The following TAFA2 variants were observed in gnomAD, a reference collection of about 807,000 sequenced individuals.
TAFA2 encodes chemokine-like protein TAFA-2.
Under a neutral mutation model 18.8 loss-of-function variants are expected in TAFA2, and 7 were observed. The ratio of observed to expected loss-of-function variants is 0.37; its 90% CI spans 0.21 to 0.70. TAFA2 has a LOEUF of 0.70. Among genes scored for constraint, TAFA2 ranks in the 30% least tolerant of loss-of-function variants. The pLI, the probability that TAFA2 is intolerant of heterozygous loss-of-function variation, is 0.53. For synonymous variants in TAFA2, 60 were observed against 54.2 expected, an observed-to-expected ratio of 1.11 and a Z score of -0.47; for missense variants, 122 against 158.1, an observed-to-expected ratio of 0.77 and a Z score of 1.23.
At chr12:61,727,393 G>A (rs1387332553) in intron 4 of TAFA2, among the ~76,000 whole-genome samples, 1 of 150,716 alleles carries the variant, frequency 6.6e-6, no homozygotes, top group African/African-American at 2.4e-5. Context: ...TTTCAAACTT[G>A]CTGCTTGTTA....
chr12:62,226,363 T>C (rs1257778415), intron 1 of TAFA2, among the ~76,000 whole-genome samples: 1 of 151,908 alleles, frequency 6.6e-6, no homozygotes, highest in Non-Finnish European at 1.5e-5. Context: ...CTGGCTAATT[T>C]TGTTTTTGTA....
At chr12:61,884,510 G>A (rs544091556) in intron 1 of TAFA2, among the ~76,000 whole-genome samples, 10 of 152,198 alleles carry the variant, frequency 6.6e-5, no homozygotes, top group African/African-American at 9.6e-5. Context: ...GTAGGACACC[G>A]GTGAATGCCT....
At chr12:61,889,154 A>T (rs1231839229) in intron 1 of TAFA2, among the ~76,000 whole-genome samples, 1 of 152,194 alleles carries the variant, frequency 6.6e-6, no homozygotes, top group South Asian at 2.1e-4. Flanking sequence ...GCTAACACAC[A>T]TGATGCACTT....
At chr12:61,836,008 C>A (rs746306096) in intron 2 of TAFA2, among the ~76,000 whole-genome samples, 1 of 151,806 alleles carries the variant, frequency 6.6e-6, no homozygotes, top group African/African-American at 2.4e-5. Context: ...AATCAACTTA[C>A]AATTATACAA....
At chr12:61,746,254 G>A (rs925405045) in intron 4 of TAFA2, among the ~76,000 whole-genome samples, 38 of 152,006 alleles carry the variant, frequency 2.5e-4, no homozygotes, top group African/African-American at 8.0e-4. Flanking sequence ...CCATCCTGCC[G>A]CCCTGTGAAG....
intron 1 of TAFA2, among the ~76,000 whole-genome samples, chr12:61,914,800 C>A (rs1325554672): frequency 6.6e-6 from 1 of 152,082 alleles, no homozygotes; most frequent in African/African-American, 2.4e-5. Flanking sequence ...CTCTAAATAG[C>A]TTCCTTTCTA....
intron 4 of TAFA2, among the ~76,000 whole-genome samples, chr12:61,753,320 A>G (rs571503061): frequency 6.6e-6 from 1 of 152,064 alleles, no homozygotes; most frequent in African/African-American, 2.4e-5. Context: ...ACCCTCCCAG[A>G]ATTTAACATG....
chr12:61,988,735 T>G (rs1163082818), intron 1 of TAFA2, among the ~76,000 whole-genome samples: 1 of 152,184 alleles, frequency 6.6e-6, no homozygotes, highest in Non-Finnish European at 1.5e-5. Flanking sequence ...CGGAGATGTG[T>G]CTCTTGTACT....
At chr12:62,099,366 G>C (rs1272532083) in intron 1 of TAFA2, among the ~76,000 whole-genome samples, 1 of 152,068 alleles carries the variant, frequency 6.6e-6, no homozygotes, top group Non-Finnish European at 1.5e-5. Flanking sequence ...CAGTAGCACT[G>C]ACAATAAATA....
chr12:61,911,682 G>A (rs1876619780), intron 1 of TAFA2, among the ~76,000 whole-genome samples: 1 of 152,124 alleles, frequency 6.6e-6, no homozygotes, highest in Non-Finnish European at 1.5e-5. Context: ...TGGTACCAGA[G>A]AAGCGGAAAG....
chr12:61,974,230 TAA>T (rs1460251842), intron 1 of TAFA2, among the ~76,000 whole-genome samples: 5 of 151,832 alleles, frequency 3.3e-5, no homozygotes, highest in African/African-American at 9.6e-5. Flanking sequence ...GCCAAATGTA[TAA>T]GTTTAAGAAA....
chr12:61,941,804 G>T (rs1169513668), intron 1 of TAFA2, among the ~76,000 whole-genome samples: 5 of 152,342 alleles, frequency 3.3e-5, no homozygotes, highest in Admixed American at 1.3e-4. Context: ...AGGGTCCTAT[G>T]CCCACGGAAT....
upstream of TAFA2, among the ~76,000 whole-genome samples, chr12:62,193,916 T>A (rs1400527595): frequency 1.3e-5 from 2 of 152,248 alleles, no homozygotes; most frequent in African/African-American, 2.4e-5. Flanking sequence ...TTTAAATAGC[T>A]GAGACTAGTT....
At chr12:62,020,081 G>A (rs747427358) in intron 1 of TAFA2, among the ~76,000 whole-genome samples, 29 of 152,014 alleles carry the variant, frequency 1.9e-4, no homozygotes, top group African/African-American at 5.8e-4. Flanking sequence ...ATTCCAAATC[G>A]TCTCAACAGG....
At chr12:61,813,047 G>A (rs1871938014) in intron 2 of TAFA2, among the ~76,000 whole-genome samples, 1 of 151,450 alleles carries the variant, frequency 6.6e-6, no homozygotes, top group Non-Finnish European at 1.5e-5. Flanking sequence ...GTAACCCACT[G>A]TTTAAACTCT....
chr12:62,036,683 G>A (rs1419965385), intron 1 of TAFA2, among the ~76,000 whole-genome samples: 1 of 152,216 alleles, frequency 6.6e-6, no homozygotes, highest in Non-Finnish European at 1.5e-5. Context: ...TTATTACAAT[G>A]TAAAATATGT....
intron 4 of TAFA2, among the ~76,000 whole-genome samples, chr12:61,724,137 C>T (rs1191848270): frequency 3.3e-5 from 5 of 152,200 alleles, no homozygotes; most frequent in Non-Finnish European, 1.5e-5. Flanking sequence ...GGATGGCTGA[C>T]CTCTCTCCTG....
At chr12:61,994,065 C>T (rs1880100863) in intron 1 of TAFA2, among the ~76,000 whole-genome samples, 1 of 152,156 alleles carries the variant, frequency 6.6e-6, no homozygotes, top group African/African-American at 2.4e-5. Flanking sequence ...TTAAGTAATA[C>T]AATTAGATAT....
At position 62,201,291 on chromosome 12, in the gene TAFA2, T is replaced by C. The variant is rs569016061; in HGVS notation, c.-130+57472A>G. 4.6e-5 allele frequency among the ~76,000 whole-genome samples: 7 copies of C among 152,302 alleles called. No homozygotes were observed. The East Asian group carries it at 1.3e-3, about 29-fold the overall frequency. ...CCAATACTATGTTGAATAGGAGTGG[T>C]AAGAGAGGGCATCCTTGTCTTATGC... is the stretch of plus-strand genomic sequence containing the variant. On this transcript the variant is annotated intron_variant, in intron 1 of 5. Coordinates refer to the TAFA2 transcript ENST00000551619.
Sources: allele counts gnomAD v4.1 joint callset (sites outside exome capture counted in the v4.1 genomes callset), GRCh38; gene constraint gnomAD v4.1.1; transcripts MANE v1.5; gene names NCBI Gene and HGNC (gene_info 2026-07-23, HGNC 2026-07-21).